SLC35D4: variants seen among roughly 807,000 people sequenced by gnomAD.
SLC35D4 encodes UDP-N-acetylglucosamine transporter SLC35D4.
At chr18:23,385,210 T>C in the SLC35D4 span, 5 of 690,960 alleles carry the variant, frequency 7.2e-6, no homozygotes, top group East Asian at 1.4e-4. Context: ...GACTTCTACA[T>C]GGATTAGCGC....
At chr18:23,382,255 A>AAG in the SLC35D4 span, among the ~76,000 whole-genome samples, 1 of 151,084 alleles carries the variant, frequency 6.6e-6, no homozygotes, top group African/African-American at 2.4e-5. Context: ...AAAAAAAAAA[A>AAG]AAAGAAAGAA....
chr18:23,264,063 C>G, the SLC35D4 span, among the ~76,000 whole-genome samples: 2 of 152,222 alleles, frequency 1.3e-5, no homozygotes, highest in East Asian at 3.8e-4. Flanking sequence ...AATGAGCCAT[C>G]GCAAAACAAA....
At chr18:23,395,084 G>A in the SLC35D4 span, among the ~76,000 whole-genome samples, 1 of 151,110 alleles carries the variant, frequency 6.6e-6, no homozygotes, top group East Asian at 1.9e-4. Flanking sequence ...TTACTGTATT[G>A]CCACTGAGCC....
chr18:23,335,352 A>T, the SLC35D4 span, among the ~76,000 whole-genome samples: 1 of 152,204 alleles, frequency 6.6e-6, no homozygotes, highest in Non-Finnish European at 1.5e-5. Flanking sequence ...ATTTCCCAAG[A>T]GCTGCTTCAT....
the SLC35D4 span, chr18:23,437,758 G>A: frequency 6.2e-7 from 1 of 1,606,002 alleles, no homozygotes; most frequent in Non-Finnish European, 8.5e-7. Flanking sequence ...TGCAATCGCT[G>A]CCTCCCGCGC....
the SLC35D4 span, among the ~76,000 whole-genome samples, chr18:23,345,130 T>C: frequency 6.6e-6 from 1 of 152,192 alleles, no homozygotes; most frequent in African/African-American, 2.4e-5. Context: ...GGATCTAAGA[T>C]TGTTTATTTG....
the SLC35D4 span, among the ~76,000 whole-genome samples, chr18:23,360,760 C>A: frequency 6.7e-3 from 1,020 of 152,094 alleles, 12 homozygotes; most frequent in African/African-American, 0.024. Flanking sequence ...AATTACATAT[C>A]AATTTAAAAA....
chr18:23,336,656 A>T, the SLC35D4 span, among the ~76,000 whole-genome samples: 2 of 152,364 alleles, frequency 1.3e-5, no homozygotes, highest in South Asian at 4.1e-4. Flanking sequence ...GCTATAAGAA[A>T]GTTATATCTG....
At chr18:23,422,997 C>T in the SLC35D4 span, among the ~76,000 whole-genome samples, 24 of 152,276 alleles carry the variant, frequency 1.6e-4, no homozygotes, top group South Asian at 4.1e-4. Context: ...CCATGTGTTG[C>T]GACACTACAG....
chr18:23,385,109 G>T, the SLC35D4 span: 89 of 1,566,190 alleles, frequency 5.7e-5, no homozygotes, highest in Non-Finnish European at 7.7e-5. Context: ...TATTTTCTTC[G>T]ATCTCATAAT....
chr18:23,403,614 G>A, the SLC35D4 span, among the ~76,000 whole-genome samples: 1 of 152,336 alleles, frequency 6.6e-6, no homozygotes, highest in Non-Finnish European at 1.5e-5. Context: ...GGTTGCTCTG[G>A]CTGTAGTACG....
the SLC35D4 span, among the ~76,000 whole-genome samples, chr18:23,292,042 C>T: frequency 6.6e-6 from 1 of 152,210 alleles, no homozygotes; most frequent in Non-Finnish European, 1.5e-5. Context: ...CAGCCAATTC[C>T]ATATCCTATT....
the SLC35D4 span, among the ~76,000 whole-genome samples, chr18:23,414,029 G>A: frequency 6.6e-6 from 1 of 150,640 alleles, no homozygotes; most frequent in Non-Finnish European, 1.5e-5. Context: ...GGCCGAGGCA[G>A]GTGGATCATG....
the SLC35D4 span, among the ~76,000 whole-genome samples, chr18:23,240,203 C>A: frequency 1.3e-5 from 2 of 152,092 alleles, no homozygotes; most frequent in African/African-American, 2.4e-5. Context: ...AAGACTTCCC[C>A]GAGGAATGGC....
At chr18:23,299,517 G>A in the SLC35D4 span, among the ~76,000 whole-genome samples, 1 of 152,206 alleles carries the variant, frequency 6.6e-6, no homozygotes, top group Admixed American at 6.5e-5. Flanking sequence ...AGCCACTGGG[G>A]TTGGCGGGGA....
the SLC35D4 span, among the ~76,000 whole-genome samples, chr18:23,426,227 C>T: frequency 6.6e-6 from 1 of 152,046 alleles, no homozygotes; most frequent in Admixed American, 6.6e-5. Flanking sequence ...TATTTGACCA[C>T]ATAAAAAATA....
chr18:23,429,378 C>T, the SLC35D4 span, among the ~76,000 whole-genome samples: 3 of 151,720 alleles, frequency 2.0e-5, no homozygotes, highest in Non-Finnish European at 4.4e-5. Flanking sequence ...TTTTTTTAGA[C>T]GGATTTTCAC....
the SLC35D4 span, among the ~76,000 whole-genome samples, chr18:23,307,061 C>T: frequency 6.6e-6 from 1 of 152,192 alleles, no homozygotes; most frequent in Admixed American, 6.5e-5. Context: ...AGATCTAACA[C>T]CTCCTACAGT....
chr18:23,380,602 G>A, the SLC35D4 span, among the ~76,000 whole-genome samples: 9 of 152,134 alleles, frequency 5.9e-5, no homozygotes, highest in African/African-American at 1.7e-4. Context: ...TAAGAAATGC[G>A]TCTCCTACGT....
Sources: gnomAD v4.1 joint callset for allele counts (sites outside exome capture counted in the v4.1 genomes callset) on GRCh38, gnomAD v4.1.1 for gene constraint, MANE v1.5 for transcripts, NCBI Gene and HGNC (gene_info 2026-07-23, HGNC 2026-07-21) for gene names.